The following DAP variants were observed in gnomAD, a reference collection of about 807,000 sequenced individuals.
The protein encoded by DAP is death associated protein.
In DAP, 8 loss-of-function variants were observed where a neutral mutation model predicts 13.8. The observed-to-expected ratio is 0.58, with a 90% CI of 0.34 to 1.05. DAP has a LOEUF of 1.05. DAP is among the 50% of genes least tolerant of loss of function. The probability of loss-of-function intolerance (pLI) is 0.03; values close to 1 mark genes in which losing one functional copy is unlikely to be tolerated. For missense variants in DAP, 106 were observed against 133.2 expected (o/e 0.80, Z 1.01); for synonymous variants, 47 against 47.5 (o/e 0.99, Z 0.04).
At chr5:10,708,748 T>C (rs1321130758) in intron 2 of DAP, among the ~76,000 whole-genome samples, 2 of 152,210 alleles carry the variant, frequency 1.3e-5, no homozygotes, top group African/African-American at 4.8e-5. Flanking sequence ...TGCAGGCCCA[T>C]ATAGGAATGC....
chr5:10,704,388 T>G (rs958764307), intron 2 of DAP, among the ~76,000 whole-genome samples: 1 of 152,110 alleles, frequency 6.6e-6, no homozygotes, highest in Admixed American at 6.5e-5. Context: ...GTTTTCTGAG[T>G]GCTCTGGAAT....
At chr5:10,701,712 C>T (rs1218815660) in intron 2 of DAP, among the ~76,000 whole-genome samples, 2 of 152,084 alleles carry the variant, frequency 1.3e-5, no homozygotes, top group African/African-American at 4.8e-5. Flanking sequence ...TCAAGTTATC[C>T]CTAGGATGAT....
intron 1 of DAP, among the ~76,000 whole-genome samples, chr5:10,754,379 A>G (rs755418): frequency 6.6e-6 from 1 of 152,204 alleles, no homozygotes; most frequent in Admixed American, 6.5e-5. Flanking sequence ...GGAGCCCCAG[A>G]TACTTTCCTG....
chr5:10,693,341 T>C (rs1738355082), intron 2 of DAP, among the ~76,000 whole-genome samples: 1 of 152,230 alleles, frequency 6.6e-6, no homozygotes. Flanking sequence ...TTCATGTAAA[T>C]GTACTCTATC....
intron 2 of DAP, among the ~76,000 whole-genome samples, chr5:10,706,962 T>A (rs1738712798): frequency 1.3e-5 from 2 of 152,182 alleles, no homozygotes; most frequent in Non-Finnish European, 2.9e-5. Flanking sequence ...ACGCGCTTCC[T>A]CCTTTCTTGA....
intron 1 of DAP, among the ~76,000 whole-genome samples, chr5:10,751,752 T>C (rs1740053017): frequency 6.6e-6 from 1 of 152,198 alleles, no homozygotes; most frequent in Non-Finnish European, 1.5e-5. Flanking sequence ...CACCGGGTCG[T>C]GCACACACAA....
intron 2 of DAP, among the ~76,000 whole-genome samples, chr5:10,738,046 T>C (rs1361393027): frequency 6.6e-6 from 1 of 152,198 alleles, no homozygotes; most frequent in Admixed American, 6.5e-5. Flanking sequence ...CACCAGAAGC[T>C]AGGGGAGCAG....
At chr5:10,756,915 C>G (rs1293894293) in intron 1 of DAP, among the ~76,000 whole-genome samples, 1 of 19,960 alleles carries the variant, frequency 5.0e-5, no homozygotes. Context: ...ATCAAACAAG[C>G]ACTCACCCCA....
chr5:10,729,669 T>C (rs1472332215), intron 2 of DAP, among the ~76,000 whole-genome samples: 1 of 152,228 alleles, frequency 6.6e-6, no homozygotes, highest in Non-Finnish European at 1.5e-5. Context: ...AACCACATTC[T>C]GACTAGCACA....
chr5:10,731,497 C>A lies in DAP; in HGVS notation c.152+16678G>T, dbSNP rs1739460335. 2.0e-5 allele frequency among the ~76,000 whole-genome samples: 3 copies of A among 152,208 alleles called. No individual in the cohort carries two copies. The South Asian group carries it at 6.2e-4, about 31-fold the overall frequency. ...CCAGGCTCCAGGTCCTAACATCTGG[C>A]TCAGCAGTGCTCCCTGCACTTCATT... On this transcript the variant is annotated intron_variant, in intron 2 of 3. Coordinates refer to ENST00000230895, the MANE Select transcript of DAP (RefSeq NM_004394.3).
At chr5:10,693,122 A>ACC (rs1553999138) in intron 2 of DAP, among the ~76,000 whole-genome samples, 3 of 42,272 alleles carry the variant, frequency 7.1e-5, no homozygotes, top group African/African-American at 3.5e-4. Context: ...AAACATGCAC[A>ACC]CGCACACACA....
chr5:10,688,709 G>A (rs558719487), intron 2 of DAP, among the ~76,000 whole-genome samples: 21 of 152,340 alleles, frequency 1.4e-4, no homozygotes, highest in African/African-American at 4.8e-4. Flanking sequence ...GAATGGCCAT[G>A]GAGACTCTGG....
chr5:10,682,543 G>A (rs563209014), intron 3 of DAP, among the ~76,000 whole-genome samples: 7 of 151,182 alleles, frequency 4.6e-5, no homozygotes, highest in African/African-American at 9.7e-5. Flanking sequence ...GCCCACCAGC[G>A]TCCCTGCAGG....
At chr5:10,695,586 C>A (rs1297997823) in intron 2 of DAP, among the ~76,000 whole-genome samples, 2 of 152,248 alleles carry the variant, frequency 1.3e-5, no homozygotes, top group African/African-American at 2.4e-5. Flanking sequence ...ACCTTCTTTG[C>A]AGTGAGATGC....
intron 2 of DAP, among the ~76,000 whole-genome samples, chr5:10,708,335 T>TAC (rs201446929): frequency 0.028 from 4,307 of 151,204 alleles, 195 homozygotes; most frequent in African/African-American, 0.099. Context: ...CACACACATA[T>TAC]ACACACACAG....
intron 2 of DAP, among the ~76,000 whole-genome samples, chr5:10,704,660 G>T (rs530973328): frequency 1.8e-4 from 28 of 152,130 alleles, no homozygotes; most frequent in Non-Finnish European, 2.8e-4. Context: ...TGTAATCAGG[G>T]AATTTTCCCC....
At chr5:10,721,749 A>G (rs1488024661) in intron 2 of DAP, among the ~76,000 whole-genome samples, 1 of 152,232 alleles carries the variant, frequency 6.6e-6, no homozygotes, top group African/African-American at 2.4e-5. Context: ...GGTAGTCATC[A>G]ATACCAGCTA....
chr5:10,680,503 T>C lies in DAP; in HGVS notation c.*553A>G, dbSNP rs191425325. The stretch of plus-strand genomic sequence containing the variant: ...ATGCTTTTTCGGCTTTTCTCATGGG[T>C]GCCTCATCAGCCTGCACAGGATCCC... On this transcript the variant is annotated 3_prime_UTR_variant, in exon 4 of 4. Coordinates refer to ENST00000230895, the MANE Select transcript of DAP (RefSeq NM_004394.3). 65 of 559,418 alleles carry C rather than the reference T, an allele frequency of 1.2e-4. No homozygotes were observed. Among genetic ancestry groups the C allele is most frequent in the African/African-American group, 1.2e-3 (61 of 53,032 alleles). 34.7% of individuals were successfully genotyped at this position (559,418 alleles called of 1,614,324 possible).
At chr5:10,733,588 C>T (rs780618730) in intron 2 of DAP, among the ~76,000 whole-genome samples, 5 of 152,110 alleles carry the variant, frequency 3.3e-5, no homozygotes, top group Non-Finnish European at 5.9e-5. Context: ...CTTGATACTC[C>T]AGCCCGTATT....
Sources: gnomAD v4.1 joint callset for allele counts (sites outside exome capture counted in the v4.1 genomes callset) on GRCh38, gnomAD v4.1.1 for gene constraint, MANE v1.5 for transcripts, NCBI Gene and HGNC (gene_info 2026-07-23, HGNC 2026-07-21) for gene names.